ADGRV1: variants seen among roughly 807,000 people sequenced by gnomAD.
ADGRV1 encodes the protein adhesion G protein-coupled receptor V1.
ADGRV1 carries 359 observed loss-of-function variants against 596.2 expected under a neutral mutation model. The observed-to-expected ratio is 0.60, with a 90% CI of 0.55 to 0.66. The LOEUF (loss-of-function observed/expected upper bound fraction) is 0.66, where lower values mean the gene tolerates loss of function less well. Ranked by LOEUF, ADGRV1 falls within the 30% of genes least tolerant of loss-of-function variation. The pLI, the probability that ADGRV1 is intolerant of heterozygous loss-of-function variation, is 0.00. For missense variants in ADGRV1, 7,274 were observed against 7,575.6 expected (o/e 0.96, Z 1.48); for synonymous variants, 2,681 against 2,679.2 (o/e 1.00, Z -0.02).
chr5:90,702,274 A>G (rs1005590142), intron 34 of ADGRV1, among the ~76,000 whole-genome samples: 1 of 151,868 alleles, frequency 6.6e-6, no homozygotes, highest in African/African-American at 2.4e-5. Flanking sequence ...CTTCATTTTC[A>G]TCCCAATCTT....
At chr5:90,904,924 G>A (rs573994139) in intron 83 of ADGRV1, among the ~76,000 whole-genome samples, 1 of 152,040 alleles carries the variant, frequency 6.6e-6, no homozygotes, top group Admixed American at 6.6e-5. Context: ...TATGGTAGGA[G>A]ATAGGAGTCT....
At chr5:90,987,717 A>G (rs946022904) in intron 85 of ADGRV1, among the ~76,000 whole-genome samples, 3 of 151,900 alleles carry the variant, frequency 2.0e-5, no homozygotes, top group African/African-American at 7.3e-5. Flanking sequence ...GTCATAATAG[A>G]TTGATGGTTG....
chr5:90,713,179 T>A (rs950896089), intron 42 of ADGRV1, among the ~76,000 whole-genome samples: 1 of 151,900 alleles, frequency 6.6e-6, no homozygotes, highest in Non-Finnish European at 1.5e-5. Context: ...TTAAAAAAAA[T>A]TTTAGTTTGA....
intron 87 of ADGRV1, among the ~76,000 whole-genome samples, chr5:91,126,670 AT>A (rs780128911): frequency 3.0e-4 from 46 of 152,296 alleles, no homozygotes; most frequent in East Asian, 7.7e-4. Context: ...TTATTTTGCT[AT>A]GCTTTAAAAA....
At chr5:90,690,243 A>G (rs1231807146) in intron 30 of ADGRV1, among the ~76,000 whole-genome samples, 167 bp downstream of exon 30, 1 of 152,178 alleles carries the variant, frequency 6.6e-6, no homozygotes, top group Non-Finnish European at 1.5e-5. Context: ...GTTGTTAGTG[A>G]TTGTTTAAAA....
At chr5:90,819,344 T>G (rs1458748286) in intron 75 of ADGRV1, among the ~76,000 whole-genome samples, 1 of 151,764 alleles carries the variant, frequency 6.6e-6, no homozygotes, top group Non-Finnish European at 1.5e-5. Flanking sequence ...CTATCTATTT[T>G]GTTGATCCTT....
chr5:90,724,887 T>C lies in ADGRV1; in HGVS notation c.9804T>C (p.Ser3268=), dbSNP rs751459938. ...AAAGTTTTTTGGATGAATCAGCTTCTGGCTGGTGTTTCTTTACTTTGGAAA... is the reference window on the plus strand; with the variant it reads ...AAAGTTTTTTGGATGAATCAGCTTCCGGCTGGTGTTTCTTTACTTTGGAAA... ...VFQSFLDESA[S]GWCFFTLENL... is the part of the protein sequence containing the mutation. Residue 3268 remains serine (S), a synonymous_variant, in exon 46 of 90, where the codon TCT becomes TCC. Transcript: ENST00000405460. 1 of 1,612,968 alleles carries C rather than the reference T, an allele frequency of 6.2e-7. No individual in the cohort carries two copies. The highest frequency in any genetic ancestry group is 1.1e-5 in the South Asian group (1 of 91,032).
chr5:90,954,590 C>A (rs549150341), intron 83 of ADGRV1, among the ~76,000 whole-genome samples: 25 of 152,204 alleles, frequency 1.6e-4, no homozygotes, highest in Admixed American at 1.2e-3. Flanking sequence ...TATCTATAAA[C>A]ATAAAGTCTA....
At chr5:91,097,905 G>T (rs926167384) in intron 86 of ADGRV1, among the ~76,000 whole-genome samples, 13 of 151,924 alleles carry the variant, frequency 8.6e-5, no homozygotes, top group African/African-American at 3.1e-4. Flanking sequence ...TGTTTCAAAT[G>T]GATTGAATGG....
chr5:90,904,350 A>C (rs1365273262), intron 83 of ADGRV1, among the ~76,000 whole-genome samples: 3 of 152,064 alleles, frequency 2.0e-5, no homozygotes, highest in African/African-American at 7.2e-5. Context: ...TGTTCTCTGT[A>C]GTGGTTGTAC....
chr5:91,145,212 A>G (rs1225698848), intron 87 of ADGRV1, among the ~76,000 whole-genome samples: 1 of 152,238 alleles, frequency 6.6e-6, no homozygotes, highest in Admixed American at 6.5e-5. Context: ...AAAAACATGC[A>G]GCTTTCACAT....
At chr5:90,685,129 T>C (rs1745435793) in intron 28 of ADGRV1, among the ~76,000 whole-genome samples, 1 of 152,230 alleles carries the variant, frequency 6.6e-6, no homozygotes, top group Non-Finnish European at 1.5e-5. Context: ...AATATTTCTG[T>C]AGGTAACTGT....
chr5:91,000,956 A>G (rs1371124896), intron 85 of ADGRV1, among the ~76,000 whole-genome samples: 1 of 152,168 alleles, frequency 6.6e-6, no homozygotes, highest in Non-Finnish European at 1.5e-5. Context: ...CACAGTAGGG[A>G]GAGCAATCTG....
At chr5:90,645,931 A>G (rs1467502779) in intron 15 of ADGRV1, 37 bp from the exon 16 acceptor site, 2 of 1,526,456 alleles carry the variant, frequency 1.3e-6, no homozygotes, top group Admixed American at 1.9e-5. Flanking sequence ...TTATATGTAT[A>G]AGTCACCTGA....
intron 70 of ADGRV1, among the ~76,000 whole-genome samples, chr5:90,798,965 A>G (rs992075047): frequency 1.3e-5 from 2 of 152,186 alleles, no homozygotes; most frequent in African/African-American, 4.8e-5. Flanking sequence ...CCCACAACCA[A>G]TATCATACTG....
intron 83 of ADGRV1, among the ~76,000 whole-genome samples, chr5:90,924,882 A>C (rs1774262415): frequency 6.6e-6 from 1 of 151,974 alleles, no homozygotes; most frequent in South Asian, 2.1e-4. Context: ...CCATTTATTA[A>C]ATAGGGAATC....
At chr5:90,693,250 T>G (rs1447821786) in intron 32 of ADGRV1, among the ~76,000 whole-genome samples, 4 of 147,982 alleles carry the variant, frequency 2.7e-5, no homozygotes, top group South Asian at 4.3e-4. Context: ...GGGAATTGAT[T>G]GCAGGTCCTT....
intron 39 of ADGRV1, among the ~76,000 whole-genome samples, chr5:90,709,717 A>T (rs28587199): frequency 0.74 from 112,050 of 152,212 alleles, 42,250 homozygotes; most frequent in African/African-American, 0.89. Flanking sequence ...GTTTGAATAA[A>T]TTCAGTTCTT....
chr5:90,889,442 C>G (rs563519031), intron 83 of ADGRV1, among the ~76,000 whole-genome samples: 3 of 152,004 alleles, frequency 2.0e-5, no homozygotes, highest in African/African-American at 7.2e-5. Context: ...CAGGGCTCTT[C>G]CTTGTACAGA....
Sources: gnomAD v4.1 joint callset for allele counts (sites outside exome capture counted in the v4.1 genomes callset) on GRCh38, gnomAD v4.1.1 for gene constraint, MANE v1.5 for transcripts, NCBI Gene and HGNC (gene_info 2026-07-23, HGNC 2026-07-21) for gene names.